SPATA22: variants seen among roughly 807,000 people sequenced by gnomAD.
The protein encoded by SPATA22 is spermatogenesis-associated protein 22.
In SPATA22, 29 loss-of-function variants were observed where a neutral mutation model predicts 47.8. That is an observed-to-expected ratio of 0.61 (90% CI 0.45 to 0.83). The LOEUF is 0.83. SPATA22 is among the 40% of genes least tolerant of loss of function. SPATA22 has a pLI of 0.00. For missense variants in SPATA22, 410 were observed against 421.7 expected (o/e 0.97, Z 0.24); for synonymous variants, 133 against 140.9 (o/e 0.94, Z 0.40).
intron 1 of SPATA22, among the ~76,000 whole-genome samples, chr17:3,480,667 A>T (rs1158050881): frequency 6.6e-6 from 1 of 152,232 alleles, no homozygotes; most frequent in African/African-American, 2.4e-5. Context: ...ATAATTTCTC[A>T]TCTTGTGGCT....
intron 5 of SPATA22, among the ~76,000 whole-genome samples, chr17:3,451,950 TAA>T (rs1322872514): frequency 1.1e-4 from 14 of 126,550 alleles, no homozygotes; most frequent in Non-Finnish European, 1.2e-4. Flanking sequence ...CTGTCTCAAT[TAA>T]AAAAAAAAAA....
In SPATA22 at chr17:3,512,363, C is replaced by CA. The variant is rs2074124615; in HGVS notation, c.-74+1048dup. On this transcript the variant is annotated intron_variant, in intron 1 of 8. Transcript: ENST00000541913. ...CCCACCTCTCCCCAATCGGCCCCAT[C>CA]AGGGGCACAAAGTCTCTATCTGTCC... 3 of 152,302 alleles carry CA rather than the reference C, an allele frequency of 2.0e-5. No individual in the cohort carries two copies. The East Asian group carries it at 5.8e-4, about 29-fold the overall frequency. The allele number at this position is 152,302 out of a possible 1,614,324, so 9.4% of individuals were successfully genotyped here.
rs1232988640 is a variant in SPATA22 at position 3,462,529 on chromosome 17, A to C, written c.283T>G (p.Phe95Val). ...SRPLRSQDSVFNSIQSNTGRS... is the reference protein window; with the variant it reads ...SRPLRSQDSVVNSIQSNTGRS... ...CCAGTATTTGATTGAATAGAGTTAA[A>C]GACAGAATCTTGACTTCTCAGAGGA... The change falls in exon 5 of 9, where the codon TTT becomes GTT. Residue 95 changes from phenylalanine to valine, a missense_variant. Phe to Val is a conservative substitution (Grantham distance 50, BLOSUM62 -1). Transcript: ENST00000572969. 1.9e-6 allele frequency: 3 copies of C among 1,613,252 alleles called. No homozygotes were observed. The highest frequency in any genetic ancestry group is 2.5e-6 in the Non-Finnish European group (3 of 1,179,760).
chr17:3,478,179 C>T (rs1004730370), intron 1 of SPATA22, among the ~76,000 whole-genome samples: 1 of 150,080 alleles, frequency 6.7e-6, no homozygotes, highest in Non-Finnish European at 1.5e-5. Context: ...AGCGAGACTC[C>T]GTCTCAAAAA....
Position 3,489,116 on chromosome 17 carries a change from G to A in SPATA22, c.-73-19718C>T. On this transcript the variant is annotated intron_variant, in intron 1 of 8. Coordinates refer to the SPATA22 transcript ENST00000541913. Reference sequence around the variant, plus strand: ...TCAAATATTTTCCATGATGCTACATGGTTTACCTTTTTAATAATTTTAACA... The same window carrying A: ...TCAAATATTTTCCATGATGCTACATAGTTTACCTTTTTAATAATTTTAACA... 4.3e-6 allele frequency: 3 copies of A among 702,382 alleles called. No individual in the cohort carries two copies. The East Asian group carries it at 8.4e-5, about 20-fold the overall frequency. The allele number at this position is 702,382 out of a possible 1,614,324, so 43.5% of individuals were successfully genotyped here. A position where few individuals can be genotyped will look rare whatever the true frequency, so the allele number is the denominator to read the frequency against.
rs780245947 is a variant in SPATA22, at chr17:3,443,192, A to G, written c.882T>C (p.Pro294=). The G allele has an allele frequency of 1.1e-5, 18 of 1,609,602 alleles. No individual in the cohort carries two copies. In the South Asian group the frequency reaches 2.0e-4, roughly 18 times the overall value. The change falls in exon 8 of 9, where the codon CCT becomes CCC. Residue 294 remains proline (P), a synonymous_variant. Coordinates refer to ENST00000572969, the MANE Select transcript of SPATA22 (RefSeq NM_001170698.2). ...TACTCACGATTTCATAAAAGACACA[A>G]GGCAGAGTATTTTTCCCATCCCTCA... ...FLMRDGKNTL[P]CVFYEIDREL...
At chr17:3,440,456 C>T (rs111492019) in intron 8 of SPATA22, 118 bp from the exon 9 acceptor site, 12 of 812,678 alleles carry the variant, frequency 1.5e-5, no homozygotes, top group African/African-American at 3.5e-5. Flanking sequence ...AATTCCTTCA[C>T]GTGAGTCAGG....
At chr17:3,484,967 A>T (rs1012478467) in intron 1 of SPATA22, among the ~76,000 whole-genome samples, 2 of 152,026 alleles carry the variant, frequency 1.3e-5, no homozygotes, top group African/African-American at 4.8e-5. Context: ...AGCTCAAATT[A>T]CCAGTAAGTA....
intron 1 of SPATA22, among the ~76,000 whole-genome samples, chr17:3,496,799 G>C (rs537805631): frequency 1.2e-4 from 19 of 152,222 alleles, no homozygotes; most frequent in African/African-American, 3.9e-4. Flanking sequence ...AGGAGCGGTG[G>C]CTCACGCCTG....
At chr17:3,487,457 G>C (rs1011200948) in intron 1 of SPATA22, among the ~76,000 whole-genome samples, 1 of 152,154 alleles carries the variant, frequency 6.6e-6, no homozygotes, top group Non-Finnish European at 1.5e-5. Flanking sequence ...AAACATATCA[G>C]CAATGTTTGT....
chr17:3,445,984 G>T (rs1042935032), intron 7 of SPATA22, among the ~76,000 whole-genome samples: 2 of 152,040 alleles, frequency 1.3e-5, no homozygotes, highest in African/African-American at 4.8e-5. Flanking sequence ...CCTTTTGGAG[G>T]CTCTAGAGTA....
chr17:3,466,191 A>G (rs2073309951), intron 3 of SPATA22, among the ~76,000 whole-genome samples: 1 of 150,480 alleles, frequency 6.6e-6, no homozygotes, highest in Non-Finnish European at 1.5e-5. Flanking sequence ...TGAAATTAAC[A>G]ATACAAGTAT....
At chr17:3,477,875 A>C (rs2073554459) in intron 1 of SPATA22, among the ~76,000 whole-genome samples, 1 of 152,038 alleles carries the variant, frequency 6.6e-6, no homozygotes, top group African/African-American at 2.4e-5. Flanking sequence ...GAGTTGGTAG[A>C]CTACTAGCTA....
At chr17:3,506,939 G>A (rs576959758) in intron 1 of SPATA22, among the ~76,000 whole-genome samples, 15 of 137,296 alleles carry the variant, frequency 1.1e-4, no homozygotes, top group South Asian at 1.0e-3. Flanking sequence ...AGACTCTGTC[G>A]GAAAGACAGA....
chr17:3,456,998 A>T (rs929017099), intron 5 of SPATA22, among the ~76,000 whole-genome samples: 14 of 151,736 alleles, frequency 9.2e-5, no homozygotes, highest in African/African-American at 3.4e-4. Context: ...AAATTCAACA[A>T]CCCTTCATGC....
chr17:3,494,537 A>G, intron 1 of SPATA22: 1 of 1,212,592 alleles, frequency 8.2e-7, no homozygotes, highest in Non-Finnish European at 1.2e-6. Flanking sequence ...CTCATACAGC[A>G]CTTCGCGTAC....
At position 3,499,442 on chromosome 17, in the gene SPATA22, G is replaced by A. The variant is rs571924252; in HGVS notation, c.-74+13970C>T. On this transcript the variant is annotated intron_variant, in intron 1 of 8. Coordinates refer to the SPATA22 transcript ENST00000541913. The stretch of plus-strand genomic sequence containing the variant: ...TGTGCTTTGCCTTACTACACTTCAC[G>A]GATACTGTACTTGTACTTTTTTTCC... 3.8e-3 allele frequency: 103 copies of A among 26,828 alleles called. 1 individual carries two copies. Among genetic ancestry groups the A allele is most frequent in the African/African-American group, 7.4e-3 (97 of 13,188 alleles). The allele number at this position is 26,828 out of a possible 1,614,324, so 1.7% of individuals were successfully genotyped here.
intron 5 of SPATA22, among the ~76,000 whole-genome samples, chr17:3,456,269 T>C (rs1165702178): frequency 1.3e-5 from 2 of 151,078 alleles, no homozygotes; most frequent in African/African-American, 2.4e-5. Flanking sequence ...GCTGGTTTTC[T>C]GAAAGGATCA....
At chr17:3,470,984 G>A (rs978768057) in intron 1 of SPATA22, among the ~76,000 whole-genome samples, 3 of 151,660 alleles carry the variant, frequency 2.0e-5, no homozygotes, top group Non-Finnish European at 2.9e-5. Context: ...GTGAAACCCC[G>A]TCTCTACTAA....
Sources: allele counts gnomAD v4.1 joint callset (sites outside exome capture counted in the v4.1 genomes callset), GRCh38; gene constraint gnomAD v4.1.1; transcripts MANE v1.5; gene names NCBI Gene and HGNC (gene_info 2026-07-23, HGNC 2026-07-21).